The following TRAPPC10 variants were observed in gnomAD, a reference collection of about 807,000 sequenced individuals.
The protein encoded by TRAPPC10 is TRAPP 130 kDa subunit.
Under a neutral mutation model 125.5 loss-of-function variants are expected in TRAPPC10, and 23 were observed. The ratio of observed to expected loss-of-function variants is 0.18; its 90% CI spans 0.13 to 0.26. The LOEUF (loss-of-function observed/expected upper bound fraction) is 0.26, where lower values mean the gene tolerates loss of function less well. Ranked by LOEUF, TRAPPC10 falls within the 10% of genes least tolerant of loss-of-function variation. The pLI, the probability that TRAPPC10 is intolerant of heterozygous loss-of-function variation, is 1.00. For missense variants in TRAPPC10, 1,123 were observed against 1,308.4 expected, an observed-to-expected ratio of 0.86 and a Z score of 2.19; for synonymous variants, 509 against 518.0, an observed-to-expected ratio of 0.98 and a Z score of 0.24.
intron 1 of TRAPPC10, among the ~76,000 whole-genome samples, chr21:44,017,459 C>A (rs999206313): frequency 6.6e-6 from 1 of 151,986 alleles, no homozygotes; most frequent in Non-Finnish European, 1.5e-5. Context: ...TTTCTCTGTT[C>A]ACAATGCTTT....
At chr21:44,070,424 C>T (rs1026548934) in intron 7 of TRAPPC10, among the ~76,000 whole-genome samples, 3 of 152,216 alleles carry the variant, frequency 2.0e-5, no homozygotes, top group African/African-American at 2.4e-5. Flanking sequence ...TTTCTGGAGA[C>T]GGTGAGGCCA....
chr21:44,067,673 C>T (rs1224001046), intron 7 of TRAPPC10, among the ~76,000 whole-genome samples: 3 of 152,132 alleles, frequency 2.0e-5, no homozygotes, highest in Non-Finnish European at 4.4e-5. Context: ...GCACAGTGTC[C>T]AAGTAGTGAC....
chr21:44,041,483 T>A (rs552145467), intron 3 of TRAPPC10, among the ~76,000 whole-genome samples: 1 of 152,166 alleles, frequency 6.6e-6, no homozygotes, highest in South Asian at 2.1e-4. Context: ...TTCAAGTGGT[T>A]CTCCTGCCTC....
intron 18 of TRAPPC10, 170 bp from the exon 19 acceptor site, chr21:44,091,753 C>A: frequency 1.5e-6 from 1 of 647,058 alleles, no homozygotes; most frequent in Non-Finnish European, 2.5e-6. Context: ...GGTTTATTTT[C>A]TGGCACTTTT....
intron 11 of TRAPPC10, 161 bp from the exon 12 acceptor site, chr21:44,079,403 C>CT (rs1418906549): frequency 1.5e-6 from 1 of 686,580 alleles, no homozygotes; most frequent in African/African-American, 1.9e-5. Flanking sequence ...AGTAGGTACT[C>CT]TTTCTCACGG....
At chr21:44,019,193 T>C (rs922597278) in intron 1 of TRAPPC10, among the ~76,000 whole-genome samples, 3 of 152,094 alleles carry the variant, frequency 2.0e-5, no homozygotes, top group African/African-American at 7.2e-5. Flanking sequence ...AGTAGCTGCT[T>C]GTGTGCCACC....
chr21:44,018,305 C>T (rs1333334283), intron 1 of TRAPPC10, among the ~76,000 whole-genome samples: 7 of 151,640 alleles, frequency 4.6e-5, no homozygotes, highest in East Asian at 1.9e-4. Flanking sequence ...CTTGGGAGGC[C>T]GAGGCGGGAG....
At chr21:44,021,626 C>T (rs566069550) in intron 1 of TRAPPC10, among the ~76,000 whole-genome samples, 6 of 152,272 alleles carry the variant, frequency 3.9e-5, no homozygotes, top group South Asian at 2.1e-4. Flanking sequence ...AATTTATCCA[C>T]GAATGGATGT....
intron 3 of TRAPPC10, among the ~76,000 whole-genome samples, chr21:44,044,045 A>C (rs1169098644): frequency 6.6e-6 from 1 of 152,252 alleles, no homozygotes; most frequent in Non-Finnish European, 1.5e-5. Context: ...GTGGCCTGTT[A>C]CACAGCAGTA....
rs755257738 is a variant in TRAPPC10, at chr21:44,083,207, C to G, written c.2143C>G (p.Pro715Ala). 5.6e-6 allele frequency: 9 copies of G among 1,614,142 alleles called. No homozygotes were observed. In the South Asian group the frequency reaches 9.9e-5, roughly 18 times the overall value. Reference protein sequence around the residue: ...RQESSSSLEMPSGVALEEGAH... With the variant: ...RQESSSSLEMASGVALEEGAH... ...GGAGAGCAGCTCCTCTCTAGAGATGCCCTCAGGGGTGGCTCTGGAGGAGGG... is the reference window on the plus strand; with the variant it reads ...GGAGAGCAGCTCCTCTCTAGAGATGGCCTCAGGGGTGGCTCTGGAGGAGGG... Residue 715 changes from proline to alanine, a missense_variant, in exon 14 of 23, where the codon CCC (proline) becomes GCC (alanine). By Grantham distance (27) the Pro-to-Ala change is conservative. This residue lies in a region of TRAPPC10 where 840 missense variants were observed against 902.0 expected (regional missense o/e 0.93). Coordinates refer to ENST00000291574, the MANE Select transcript of TRAPPC10 (RefSeq NM_003274.5).
At position 44,059,447 on chromosome 21, in the gene TRAPPC10, A is replaced by T. The variant is rs770654450; in HGVS notation, c.790+233A>T. The T allele has an allele frequency of 7.3e-5, 52 of 715,824 alleles. No individual in the cohort carries two copies. In the Admixed American group the frequency reaches 8.7e-4, roughly 12 times the overall value. 44.3% of individuals were successfully genotyped at this position (715,824 alleles called of 1,614,324 possible). On this transcript the variant is annotated intron_variant, in intron 6 of 22. Coordinates refer to ENST00000291574, the MANE Select transcript of TRAPPC10 (RefSeq NM_003274.5). This position sits in a 1 kb window ranked among gnomAD's most constrained non-coding sequence, Gnocchi z 4.4. ...TAAGTAACAAAAATAATAATAATTT[A>T]AAAAAACTGTTTTCCAGGTATAAAA...
intron 1 of TRAPPC10, 42 bp downstream of exon 1, chr21:44,012,602 G>A (rs1467489277): frequency 7.3e-6 from 11 of 1,503,366 alleles, no homozygotes; most frequent in East Asian, 2.6e-5. Flanking sequence ...GTCGTTGGGC[G>A]GGCCCGGGCC....
At position 44,074,396 on chromosome 21, in the gene TRAPPC10, G is replaced by A; in HGVS notation, c.1111G>A (p.Gly371Ser). The stretch of plus-strand genomic sequence containing the variant: ...TCTGGAGGTGTTGCAGAGGATAGAA[G>A]GCTGCTGTGACCGGGCACAGATCGA... ...SCLEVLQRIE[G>S]CCDRAQIDSN... The change falls in exon 8 of 23, where the codon GGC (glycine) becomes AGC (serine). Residue 371 changes from glycine (G) to serine (S), a missense_variant. Physicochemically the swap from Gly to Ser is moderately conservative, Grantham distance 56. This residue lies in a region of TRAPPC10 where 840 missense variants were observed against 902.0 expected (regional missense o/e 0.93). Coordinates refer to ENST00000291574, the MANE Select transcript of TRAPPC10 (RefSeq NM_003274.5). 6.2e-7 allele frequency: 1 copy of A among 1,614,222 alleles called. No individual in the cohort carries two copies. Among genetic ancestry groups the A allele is most frequent in the Non-Finnish European group, 8.5e-7 (1 of 1,180,046 alleles).
intron 1 of TRAPPC10, among the ~76,000 whole-genome samples, chr21:44,030,620 C>G (rs2033493830): frequency 1.3e-5 from 2 of 152,072 alleles, no homozygotes; most frequent in African/African-American, 4.8e-5. Flanking sequence ...GCATGCGCCA[C>G]CACGCCCGGC....
At chr21:44,030,917 CTT>C (rs952816112) in intron 1 of TRAPPC10, among the ~76,000 whole-genome samples, 2 of 152,180 alleles carry the variant, frequency 1.3e-5, no homozygotes, top group Non-Finnish European at 2.9e-5. Context: ...ACTGACGTGT[CTT>C]GTCTCATTTA....
In TRAPPC10 at chr21:44,038,854, C is replaced by T. The variant is rs372750510; in HGVS notation, c.285+927C>T. On this transcript the variant is annotated intron_variant, in intron 3 of 22. Coordinates refer to ENST00000291574, the MANE Select transcript of TRAPPC10 (RefSeq NM_003274.5). ...CACCCTTTCTCTGCTGACTTTGCTC[C>T]GCCTCCTTTCCCACGGGCTCCACAC... 2.6e-5 allele frequency among the ~76,000 whole-genome samples: 4 copies of T among 152,262 alleles called. 1 individual carries two copies. The highest frequency in any genetic ancestry group is 4.1e-4 in the South Asian group (2 of 4,820).
At chr21:44,042,082 A>AT (rs138861020) in intron 3 of TRAPPC10, among the ~76,000 whole-genome samples, 2,865 of 151,970 alleles carry the variant, frequency 0.019, 38 homozygotes, top group Non-Finnish European at 0.031. Context: ...AGCTAGTTCG[A>AT]TTTTTTCCCT....
Position 44,047,565 on chromosome 21 carries a change from T to TGTGTGTGTGTGTGC in TRAPPC10, c.286-4714_286-4713insTGTGTGTGTGTGCG, listed in dbSNP as rs954810521. ...GTGTGTGTGTGTGTGTGTGTGTGTG[T>TGTGTGTGTGTGTGC]GCGCGCACACGCTACATGAAGTTCC... is the stretch of plus-strand genomic sequence containing the variant. On this transcript the variant is annotated intron_variant, in intron 3 of 22. Transcript: ENST00000291574. Among the ~76,000 whole-genome samples the TGTGTGTGTGTGTGC allele has an allele frequency of 2.8e-4, 41 of 147,206 alleles. 2 individuals carry two copies. Among genetic ancestry groups the TGTGTGTGTGTGTGC allele is most frequent in the East Asian group, 7.9e-4 (4 of 5,066 alleles).
At chr21:44,035,187 T>G (rs1044927597) in intron 2 of TRAPPC10, among the ~76,000 whole-genome samples, 7 of 152,222 alleles carry the variant, frequency 4.6e-5, no homozygotes, top group Non-Finnish European at 1.0e-4. Context: ...CCTTATCACG[T>G]GAGTGGCTTT....
Sources: gnomAD v4.1 joint callset for allele counts (sites outside exome capture counted in the v4.1 genomes callset) on GRCh38, gnomAD v4.1.1 for gene constraint, gnomAD v4.1.1 regional missense constraint, Gnocchi (gnomAD v3.1) non-coding constraint, MANE v1.5 for transcripts, NCBI Gene and HGNC (gene_info 2026-07-23, HGNC 2026-07-21) for gene names.